Variants in ASTN2 observed in about 807,000 individuals in gnomAD.
The protein encoded by ASTN2 is astrotactin-2.
In ASTN2, 54 loss-of-function variants were observed where a neutral mutation model predicts 139.8. The observed-to-expected ratio is 0.39, with a 90% confidence interval of 0.31 to 0.48. The LOEUF (loss-of-function observed/expected upper bound fraction) is 0.48, where lower values mean the gene tolerates loss of function less well. Ranked by LOEUF, ASTN2 falls within the 20% of genes least tolerant of loss-of-function variation. The pLI is 0.95. For missense variants in ASTN2, 1,565 were observed against 1,725.1 expected (o/e 0.91, Z 1.64); for synonymous variants, 756 against 719.5 (o/e 1.05, Z -0.81).
At chr9:116,793,526 G>A (rs1830610208) in intron 13 of ASTN2, among the ~76,000 whole-genome samples, 1 of 152,152 alleles carries the variant, frequency 6.6e-6, no homozygotes, top group South Asian at 2.1e-4. Flanking sequence ...GAACAGTATG[G>A]CTGGCTATCT....
intron 6 of ASTN2, among the ~76,000 whole-genome samples, chr9:117,014,938 A>C (rs1056561759): frequency 2.6e-5 from 4 of 152,170 alleles, no homozygotes; most frequent in African/African-American, 9.7e-5. Context: ...CTGTTGCTTA[A>C]GCAACTCAGG....
At chr9:116,922,448 G>A (rs117026124) in intron 10 of ASTN2, among the ~76,000 whole-genome samples, 3,585 of 152,162 alleles carry the variant, frequency 0.024, 55 homozygotes, top group Non-Finnish European at 0.036. Flanking sequence ...CTATCAAAAT[G>A]TCAAATATTT....
intron 17 of ASTN2, among the ~76,000 whole-genome samples, chr9:116,633,490 G>A (rs574750159): frequency 3.3e-5 from 5 of 152,304 alleles, no homozygotes; most frequent in Admixed American, 2.0e-4. Flanking sequence ...TTCTAAGCCT[G>A]CTGTCCTTTG....
chr9:117,052,075 T>G (rs556330346), intron 5 of ASTN2, among the ~76,000 whole-genome samples: 1 of 152,300 alleles, frequency 6.6e-6, no homozygotes, highest in East Asian at 1.9e-4. Context: ...CATGCTTTGG[T>G]TGACCTTCAG....
At chr9:116,682,752 C>T (rs1378509624) in intron 16 of ASTN2, among the ~76,000 whole-genome samples, 2 of 152,278 alleles carry the variant, frequency 1.3e-5, no homozygotes, top group East Asian at 3.9e-4. Flanking sequence ...TGGAAATCAT[C>T]ATTCTCAGTA....
At chr9:117,202,743 C>T (rs1234036697) in intron 3 of ASTN2, among the ~76,000 whole-genome samples, 2 of 152,132 alleles carry the variant, frequency 1.3e-5, no homozygotes. Context: ...GTGACCTGGC[C>T]TTTCTCTCTG....
At chr9:117,380,151 G>C (rs1048859184) in intron 1 of ASTN2, among the ~76,000 whole-genome samples, 1 of 152,116 alleles carries the variant, frequency 6.6e-6, no homozygotes, top group Non-Finnish European at 1.5e-5. Context: ...TTCAGGCAAG[G>C]CACCGTGCTG....
chr9:116,798,424 CAG>C (rs1830756737), intron 13 of ASTN2, among the ~76,000 whole-genome samples: 2 of 152,156 alleles, frequency 1.3e-5, no homozygotes, highest in South Asian at 4.1e-4. Context: ...CAATATGAAA[CAG>C]GAGAGTGCTG....
chr9:117,321,405 C>G (rs949139760), intron 1 of ASTN2, among the ~76,000 whole-genome samples: 1 of 152,176 alleles, frequency 6.6e-6, no homozygotes, highest in African/African-American at 2.4e-5. Flanking sequence ...TCTAAACAAA[C>G]CAGTTCCAAA....
At chr9:117,075,066 A>G (rs1228881198) in intron 5 of ASTN2, among the ~76,000 whole-genome samples, 3 of 152,216 alleles carry the variant, frequency 2.0e-5, no homozygotes, top group Non-Finnish European at 2.9e-5. Context: ...AAAGGTATCT[A>G]AGGGAATAAC....
At chr9:117,178,857 G>C (rs1200866341) in intron 3 of ASTN2, among the ~76,000 whole-genome samples, 1 of 152,216 alleles carries the variant, frequency 6.6e-6, no homozygotes, top group African/African-American at 2.4e-5. Context: ...GCTGCAGCCA[G>C]GGTGTTCCTG....
intron 10 of ASTN2, among the ~76,000 whole-genome samples, chr9:116,965,991 C>G (rs992807290): frequency 1.3e-5 from 2 of 152,194 alleles, no homozygotes; most frequent in African/African-American, 4.8e-5. Flanking sequence ...CGGGAGGCCT[C>G]TGCCCAAAAT....
chr9:116,493,303 T>C (rs972374861), intron 19 of ASTN2, among the ~76,000 whole-genome samples: 14 of 152,206 alleles, frequency 9.2e-5, no homozygotes, highest in Admixed American at 1.3e-4. Flanking sequence ...CTGCTGCTTC[T>C]GCCTCGCCCA....
intron 5 of ASTN2, among the ~76,000 whole-genome samples, chr9:117,071,081 G>A (rs1046059668): frequency 6.7e-6 from 1 of 148,382 alleles, no homozygotes; most frequent in African/African-American, 2.5e-5. Flanking sequence ...AGGAGGAGAG[G>A]CGCTCTGATT....
intron 19 of ASTN2, among the ~76,000 whole-genome samples, chr9:116,493,354 T>C (rs546145139): frequency 5.6e-4 from 85 of 152,296 alleles, no homozygotes; most frequent in African/African-American, 1.9e-3. Flanking sequence ...TGTTTTTCTT[T>C]CCTTGAAAAC....
chr9:116,430,762 A>T (rs1847471037), intron 22 of ASTN2, among the ~76,000 whole-genome samples: 1 of 152,256 alleles, frequency 6.6e-6, no homozygotes, highest in African/African-American at 2.4e-5. Flanking sequence ...AAAACAAAGA[A>T]GAATTCAGAA....
intron 7 of ASTN2, among the ~76,000 whole-genome samples, chr9:117,002,998 C>G (rs867281337): frequency 1.3e-5 from 2 of 151,890 alleles, no homozygotes; most frequent in East Asian, 1.9e-4. Flanking sequence ...AAAAAGAAGC[C>G]CTTGCTCTCC....
intron 3 of ASTN2, among the ~76,000 whole-genome samples, chr9:117,199,424 A>G (rs1005993007): frequency 3.9e-5 from 6 of 152,110 alleles, no homozygotes; most frequent in Admixed American, 6.5e-5. Context: ...CAAAGATCAG[A>G]TGGTTGTAGA....
intron 11 of ASTN2, among the ~76,000 whole-genome samples, chr9:116,848,515 G>A (rs779968526): frequency 9.2e-5 from 14 of 152,188 alleles, no homozygotes; most frequent in Non-Finnish European, 1.8e-4. Context: ...AATCTGAAGC[G>A]CAGCACGAAG....
Sources: gnomAD v4.1 joint callset for allele counts (sites outside exome capture counted in the v4.1 genomes callset) on GRCh38, gnomAD v4.1.1 for gene constraint, MANE v1.5 for transcripts, NCBI Gene and HGNC (gene_info 2026-07-23, HGNC 2026-07-21) for gene names.